Variants in INVS observed in about 807,000 individuals in gnomAD.
INVS encodes inversion of embryo turning homolog.
Under a neutral mutation model 108.8 loss-of-function variants are expected in INVS, and 86 were observed. The observed-to-expected ratio is 0.79, with a 90% CI of 0.66 to 0.95. INVS has a LOEUF of 0.95. Ranked by LOEUF, INVS falls within the 40% of genes least tolerant of loss-of-function variation. INVS has a pLI of 0.00. For synonymous variants in INVS, 455 were observed against 473.5 expected (o/e 0.96, Z 0.51); for missense variants, 1,169 against 1,297.4 (o/e 0.90, Z 1.52).
chr9:100,229,918 C>G, intron 5 of INVS, 91 bp downstream of exon 5: 1 of 1,236,044 alleles, frequency 8.1e-7, no homozygotes, highest in Non-Finnish European at 1.2e-6. Flanking sequence ...ATTTGACGTA[C>G]AAGCAAATTA....
At chr9:100,293,090 A>T in intron 14 of INVS, 47 bp downstream of exon 14, 1 of 1,519,712 alleles carries the variant, frequency 6.6e-7, no homozygotes. Context: ...TGTTACTGAT[A>T]TTCTCAACAT....
At chr9:100,205,849 A>T (rs567067034) in intron 3 of INVS, among the ~76,000 whole-genome samples, 185 of 152,226 alleles carry the variant, frequency 1.2e-3, no homozygotes, top group Middle Eastern at 6.8e-3. Context: ...GGCACTACAA[A>T]TTCTCTATAC....
Position 100,229,763 on chromosome 9 carries a change from T to A in INVS, c.551T>A (p.Ile184Asn). 1 of 1,614,156 alleles carries A rather than the reference T, an allele frequency of 6.2e-7. No homozygotes were observed. The highest frequency in any genetic ancestry group is 8.5e-7 in the Non-Finnish European group (1 of 1,180,002). The change falls in exon 5 of 17, where the codon ATC (isoleucine) becomes AAC (asparagine). Residue 184 changes from isoleucine to asparagine, a missense_variant. Physicochemically the swap from Ile to Asn is moderately radical, Grantham distance 149. Coordinates refer to ENST00000262457, the MANE Select transcript of INVS (RefSeq NM_014425.5). ...NIGIPDVEGKIPLHWAANHKD... is the reference protein window; with the variant it reads ...NIGIPDVEGKNPLHWAANHKD... ...GGGATTCCTGATGTTGAAGGCAAGATCCCACTTCACTGGGCAGCCAACCAT... is the reference window on the plus strand; with the variant it reads ...GGGATTCCTGATGTTGAAGGCAAGAACCCACTTCACTGGGCAGCCAACCAT...
intron 3 of INVS, chr9:100,175,592 G>A: frequency 2.9e-6 from 2 of 697,744 alleles, no homozygotes; most frequent in South Asian, 2.9e-5. Flanking sequence ...TAAAATATAA[G>A]AGGTGGCAGA....
In INVS at chr9:100,253,092, G is replaced by A. The variant is rs1335551294; in HGVS notation, c.1420G>A (p.Val474Ile). Reference protein sequence around the residue: ...AYGGYINCMAVLMENNADPNI... With the variant: ...AYGGYINCMAILMENNADPNI... ...TGGAGGCTATATCAACTGCATGGCA[G>A]TTCTCATGGAAAACAATGCAGACCC... Residue 474 changes from valine (V) to isoleucine (I), a missense_variant, in exon 10 of 17, where the codon GTT (valine) becomes ATT (isoleucine). Physicochemically the swap from Val to Ile is conservative, Grantham distance 29. This residue lies in a region of INVS where 271 missense variants were observed against 363.8 expected (regional missense o/e 0.74). Transcript: ENST00000262457. 1 of 1,613,876 alleles carries A rather than the reference G, an allele frequency of 6.2e-7. No homozygotes were observed. The highest frequency in any genetic ancestry group is 1.7e-5 in the Admixed American group (1 of 60,006).
rs1300122397 is a variant in INVS at position 100,246,643 on chromosome 9, C to G, written c.934C>G (p.Pro312Ala). 1.2e-6 allele frequency: 2 copies of G among 1,613,776 alleles called. No homozygotes were observed. The highest frequency in any genetic ancestry group is 1.7e-6 in the Non-Finnish European group (2 of 1,179,796). Residue 312 changes from proline to alanine, a missense_variant, in exon 8 of 17, where the codon CCT (proline) becomes GCT (alanine). Pro to Ala is a conservative substitution (Grantham distance 27). Coordinates refer to ENST00000262457, the MANE Select transcript of INVS (RefSeq NM_014425.5). ...AETVKVFLKHPSVKDDSDLEG... is the reference protein window; with the variant it reads ...AETVKVFLKHASVKDDSDLEG... ...AACGGTTAAAGTGTTTTTAAAACATCCTTCAGTGAAAGATGATTCAGACCT... is the reference window on the plus strand; with the variant it reads ...AACGGTTAAAGTGTTTTTAAAACATGCTTCAGTGAAAGATGATTCAGACCT...
chr9:100,216,042 G>A (rs896198197), intron 3 of INVS, among the ~76,000 whole-genome samples: 15 of 152,154 alleles, frequency 9.9e-5, no homozygotes, highest in African/African-American at 3.6e-4. Flanking sequence ...CTTGTTCAGC[G>A]ACTTGATTTC....
chr9:100,192,604 A>G (rs910645445), intron 3 of INVS, among the ~76,000 whole-genome samples: 4 of 152,102 alleles, frequency 2.6e-5, no homozygotes, highest in Non-Finnish European at 4.4e-5. Flanking sequence ...GTGCCTGCAT[A>G]TTTTTTGCTT....
chr9:100,105,562 A>G lies in INVS; in HGVS notation c.106+935A>G, dbSNP rs181997545. ...AAACTATTGTATCTCACACTCTGTG[A>G]AGATTTCTCTTCCTCTGCTTATCCT... On this transcript the variant is annotated intron_variant, in intron 2 of 16. Transcript: ENST00000262457. Among the ~76,000 whole-genome samples the G allele has an allele frequency of 1.6e-3, 238 of 152,282 alleles. 2 individuals carry two copies. The highest frequency in any genetic ancestry group is 5.5e-3 in the African/African-American group (230 of 41,556).
At chr9:100,178,505 A>G (rs897860229) in intron 3 of INVS, among the ~76,000 whole-genome samples, 1 of 152,240 alleles carries the variant, frequency 6.6e-6, no homozygotes, top group Non-Finnish European at 1.5e-5. Context: ...GCAAGTATCA[A>G]TAGCTGAATC....
intron 13 of INVS, among the ~76,000 whole-genome samples, chr9:100,287,635 G>A (rs769234339): frequency 2.0e-5 from 3 of 152,082 alleles, no homozygotes; most frequent in African/African-American, 7.2e-5. Flanking sequence ...GCACTTCCCC[G>A]CTCGCTCATG....
At chr9:100,190,141 CTTTTTT>C (rs1327060705) in intron 3 of INVS, among the ~76,000 whole-genome samples, 1 of 151,990 alleles carries the variant, frequency 6.6e-6, no homozygotes, top group Non-Finnish European at 1.5e-5. Flanking sequence ...CTTTCTTTGT[CTTTTTT>C]TCTTTTAACC....
chr9:100,109,247 G>A (rs977253514), intron 2 of INVS, among the ~76,000 whole-genome samples: 2 of 152,112 alleles, frequency 1.3e-5, no homozygotes, highest in Admixed American at 1.3e-4. Context: ...TTCCTCATCC[G>A]TAAACTATAG....
chr9:100,260,167 A>C (rs1588129283), intron 10 of INVS, among the ~76,000 whole-genome samples: 2 of 132,420 alleles, frequency 1.5e-5, no homozygotes, highest in Admixed American at 7.9e-5. Flanking sequence ...ACCATGTCCG[A>C]CCTATTACAT....
intron 16 of INVS, among the ~76,000 whole-genome samples, chr9:100,299,635 G>GACACACACAC (rs10530240): frequency 2.7e-4 from 36 of 132,366 alleles, no homozygotes; most frequent in South Asian, 4.9e-4. Context: ...GCCTTTTATT[G>GACACACACAC]ACACACACAC....
At chr9:100,287,833 A>T (rs1253339930) in intron 13 of INVS, among the ~76,000 whole-genome samples, 1 of 152,112 alleles carries the variant, frequency 6.6e-6, no homozygotes, top group African/African-American at 2.4e-5. Context: ...GAACGGACTA[A>T]TACATCCCTA....
chr9:100,186,203 G>A (rs1016698272), intron 3 of INVS, among the ~76,000 whole-genome samples: 4 of 151,960 alleles, frequency 2.6e-5, no homozygotes, highest in African/African-American at 7.3e-5. Context: ...AGGCTGGAGT[G>A]CAGTAGCGCA....
chr9:100,273,342 C>A (rs1241941572), intron 12 of INVS, among the ~76,000 whole-genome samples: 2 of 151,872 alleles, frequency 1.3e-5, no homozygotes, highest in African/African-American at 4.8e-5. Flanking sequence ...CCACTCCCAC[C>A]CATGGGAGGG....
At chr9:100,234,352 G>A (rs1202628025) in intron 5 of INVS, among the ~76,000 whole-genome samples, 1 of 152,078 alleles carries the variant, frequency 6.6e-6, no homozygotes, top group Non-Finnish European at 1.5e-5. Flanking sequence ...GATTTCTCAT[G>A]TTTCTGTCTC....
Sources: gnomAD v4.1 joint callset for allele counts (sites outside exome capture counted in the v4.1 genomes callset) on GRCh38, gnomAD v4.1.1 for gene constraint, gnomAD v4.1.1 regional missense constraint, MANE v1.5 for transcripts, NCBI Gene and HGNC (gene_info 2026-07-23, HGNC 2026-07-21) for gene names.